Variants in PTPRD observed in about 807,000 individuals in gnomAD.
PTPRD encodes receptor-type tyrosine-protein phosphatase delta.
Under a neutral mutation model 214.5 loss-of-function variants are expected in PTPRD, and 34 were observed. The ratio of observed to expected loss-of-function variants is 0.16; its 90% CI spans 0.12 to 0.21. The LOEUF (loss-of-function observed/expected upper bound fraction) is 0.21, where lower values mean the gene tolerates loss of function less well. Ranked by LOEUF, PTPRD falls within the 10% of genes least tolerant of loss-of-function variation. The probability of loss-of-function intolerance (pLI) is 1.00; values close to 1 mark genes in which losing one functional copy is unlikely to be tolerated. For synonymous variants in PTPRD, 1,128 were observed against 845.7 expected (o/e 1.33, Z -5.79); for missense variants, 2,545 against 2,398.7 (o/e 1.06, Z -1.27).
intron 2 of PTPRD, among the ~76,000 whole-genome samples, chr9:10,352,472 G>A (rs2097199577): frequency 6.6e-6 from 1 of 152,022 alleles, no homozygotes; most frequent in South Asian, 2.1e-4. Context: ...TATTCAAGTA[G>A]AAATTTTACA....
chr9:8,698,745 T>C (rs1369296685), intron 12 of PTPRD, among the ~76,000 whole-genome samples: 3 of 152,044 alleles, frequency 2.0e-5, no homozygotes, highest in African/African-American at 7.2e-5. Context: ...AATACAGAAA[T>C]CGCCTTTTCG....
chr9:9,928,789 A>AG, intron 5 of PTPRD, among the ~76,000 whole-genome samples: 1 of 93,334 alleles, frequency 1.1e-5, no homozygotes, highest in South Asian at 3.0e-4. Flanking sequence ...CACACACACA[A>AG]TTTGCATTTT....
chr9:8,614,897 C>T (rs2095560735), intron 14 of PTPRD, among the ~76,000 whole-genome samples: 1 of 152,132 alleles, frequency 6.6e-6, no homozygotes, highest in Admixed American at 6.6e-5. Flanking sequence ...AGGAAGAGGG[C>T]TTCCTATTTT....
At chr9:8,532,316 C>T (rs543555999) in intron 14 of PTPRD, among the ~76,000 whole-genome samples, 16 of 152,092 alleles carry the variant, frequency 1.1e-4, no homozygotes, top group Admixed American at 9.2e-4. Flanking sequence ...TGCTTATCTC[C>T]GTGGGTGTAG....
chr9:8,841,171 G>A (rs945825252), intron 11 of PTPRD, among the ~76,000 whole-genome samples: 1 of 152,108 alleles, frequency 6.6e-6, no homozygotes, highest in South Asian at 2.1e-4. Context: ...GTAATTACAA[G>A]AAGGAACTTG....
At chr9:10,358,226 T>C (rs1468622136) in intron 2 of PTPRD, among the ~76,000 whole-genome samples, 4 of 152,072 alleles carry the variant, frequency 2.6e-5, no homozygotes, top group Admixed American at 6.5e-5. Flanking sequence ...GAATTAACAG[T>C]GTTTTGTCTT....
At chr9:10,108,115 G>A (rs1035858791) in intron 3 of PTPRD, among the ~76,000 whole-genome samples, 1 of 151,982 alleles carries the variant, frequency 6.6e-6, no homozygotes, top group African/African-American at 2.4e-5. Flanking sequence ...GATTCTTGGA[G>A]TCAAGTCATT....
chr9:9,357,371 C>T (rs2054200814), intron 9 of PTPRD, among the ~76,000 whole-genome samples: 1 of 151,196 alleles, frequency 6.6e-6, no homozygotes, highest in African/African-American at 2.4e-5. Context: ...TTCATTTTAC[C>T]AATTTTTATT....
intron 11 of PTPRD, among the ~76,000 whole-genome samples, chr9:8,961,871 A>G (rs1353568953): frequency 6.6e-6 from 1 of 152,112 alleles, no homozygotes; most frequent in Non-Finnish European, 1.5e-5. Context: ...TTCACTCACC[A>G]TGACAGCATG....
chr9:9,650,062 C>T (rs1469482642), intron 7 of PTPRD, among the ~76,000 whole-genome samples: 2 of 152,064 alleles, frequency 1.3e-5, no homozygotes, highest in Non-Finnish European at 2.9e-5. Flanking sequence ...TCCCATGTGT[C>T]AAGGGAGGAA....
At chr9:9,538,311 A>G (rs999710643) in intron 8 of PTPRD, among the ~76,000 whole-genome samples, 1 of 151,990 alleles carries the variant, frequency 6.6e-6, no homozygotes, top group Non-Finnish European at 1.5e-5. Context: ...AAATTTTCAA[A>G]GGAGTATTTC....
intron 3 of PTPRD, among the ~76,000 whole-genome samples, chr9:10,112,153 C>A (rs59474508): frequency 0.052 from 7,987 of 152,226 alleles, 272 homozygotes; most frequent in Admixed American, 0.1. Flanking sequence ...CTGGAATTGA[C>A]AAGCAAATTC....
intron 9 of PTPRD, among the ~76,000 whole-genome samples, chr9:9,349,131 A>G (rs763964404): frequency 1.3e-5 from 2 of 152,074 alleles, no homozygotes; most frequent in African/African-American, 4.8e-5. Flanking sequence ...AAATATGTTT[A>G]AGAAAAAATA....
chr9:8,427,953 G>GT (rs2094797301), intron 35 of PTPRD, among the ~76,000 whole-genome samples: 1 of 152,126 alleles, frequency 6.6e-6, no homozygotes, highest in Non-Finnish European at 1.5e-5. Context: ...AGACTACTGA[G>GT]TACTGGTGTC....
intron 4 of PTPRD, among the ~76,000 whole-genome samples, chr9:10,025,206 A>G (rs113947426): frequency 5.3e-5 from 8 of 152,264 alleles, no homozygotes; most frequent in African/African-American, 1.4e-4. Flanking sequence ...GAATCGCCAC[A>G]CTGACTTCCA....
chr9:9,140,766 G>C (rs924512427), intron 10 of PTPRD, among the ~76,000 whole-genome samples: 1 of 152,124 alleles, frequency 6.6e-6, no homozygotes, highest in Non-Finnish European at 1.5e-5. Flanking sequence ...TTTTAGTAGA[G>C]ACGGGGTTTC....
intron 11 of PTPRD, among the ~76,000 whole-genome samples, chr9:8,925,504 A>C (rs2098872350): frequency 6.9e-6 from 1 of 145,932 alleles, no homozygotes. Context: ...GAAACAGAAA[A>C]ACAAAACAAA....
chr9:9,781,172 G>C (rs1353021320), intron 5 of PTPRD, among the ~76,000 whole-genome samples: 2 of 152,098 alleles, frequency 1.3e-5, no homozygotes, highest in Non-Finnish European at 2.9e-5. Flanking sequence ...CCAGATGTAA[G>C]CTATGGAATT....
intron 11 of PTPRD, among the ~76,000 whole-genome samples, chr9:8,866,101 T>C (rs2098191342): frequency 6.6e-6 from 1 of 152,180 alleles, no homozygotes; most frequent in Non-Finnish European, 1.5e-5. Context: ...GAACATATAT[T>C]ACTGGAAGTT....
Sources: allele counts gnomAD v4.1 joint callset (sites outside exome capture counted in the v4.1 genomes callset), GRCh38; gene constraint gnomAD v4.1.1; transcripts MANE v1.5; gene names NCBI Gene and HGNC (gene_info 2026-07-23, HGNC 2026-07-21).